The following LMAN2L variants were observed in gnomAD, a reference collection of about 807,000 sequenced individuals.
The protein encoded by LMAN2L is lectin, mannose binding 2 like.
LMAN2L carries 30 observed loss-of-function variants against 44.3 expected under a neutral mutation model. The observed-to-expected ratio is 0.68, with a 90% CI of 0.51 to 0.92. The LOEUF is 0.92. Ranked by LOEUF, LMAN2L falls within the 40% of genes least tolerant of loss-of-function variation. The pLI is 0.00. For missense variants in LMAN2L, 429 were observed against 446.1 expected (o/e 0.96, Z 0.35); for synonymous variants, 183 against 171.1 (o/e 1.07, Z -0.54).
At chr2:96,709,789 A>C (rs563736176) in intron 6 of LMAN2L, among the ~76,000 whole-genome samples, 13 of 152,362 alleles carry the variant, frequency 8.5e-5, no homozygotes, top group African/African-American at 3.1e-4. Context: ...CAAAAGAAAG[A>C]AACAACTTGC....
At chr2:96,729,230 C>A (rs2078341164) in intron 4 of LMAN2L, among the ~76,000 whole-genome samples, 1 of 151,572 alleles carries the variant, frequency 6.6e-6, no homozygotes, top group South Asian at 2.1e-4. Context: ...TGTCTCTATT[C>A]TCAAGAAAGA....
chr2:96,721,327 T>C (rs2078149870), intron 4 of LMAN2L, among the ~76,000 whole-genome samples: 1 of 55,508 alleles, frequency 1.8e-5, no homozygotes, highest in South Asian at 3.7e-4. Context: ...TCTTTCAGTC[T>C]TTTTTTTTTT....
chr2:96,714,786 C>G (rs1249204307), intron 4 of LMAN2L, among the ~76,000 whole-genome samples: 1 of 152,194 alleles, frequency 6.6e-6, no homozygotes, highest in Non-Finnish European at 1.5e-5. Flanking sequence ...GGGTGCCTTA[C>G]TCTTCCCAAG....
intron 4 of LMAN2L, among the ~76,000 whole-genome samples, chr2:96,722,285 T>G: frequency 6.6e-6 from 1 of 152,038 alleles, no homozygotes; most frequent in East Asian, 1.9e-4. Context: ...TTTATTTCTA[T>G]TATTATCACG....
At chr2:96,712,976 G>C in intron 4 of LMAN2L, 5 of 731,074 alleles carry the variant, frequency 6.8e-6, no homozygotes, top group South Asian at 6.8e-5. Context: ...TGGTTAACAT[G>C]CAAGATGGAG....
At chr2:96,717,185 C>T (rs1179421744) in intron 4 of LMAN2L, among the ~76,000 whole-genome samples, 1 of 151,896 alleles carries the variant, frequency 6.6e-6, no homozygotes, top group Non-Finnish European at 1.5e-5. Context: ...AAAAGACACA[C>T]AAGCACAAAC....
chr2:96,727,587 T>C (rs1232449753), intron 4 of LMAN2L, among the ~76,000 whole-genome samples: 1 of 152,242 alleles, frequency 6.6e-6, no homozygotes, highest in Admixed American at 6.5e-5. Context: ...TCTTCTCAGA[T>C]GCATTACTGG....
chr2:96,738,251 A>T (rs1426683605), intron 1 of LMAN2L, among the ~76,000 whole-genome samples, 184 bp from the exon 2 acceptor site: 1 of 152,216 alleles, frequency 6.6e-6, no homozygotes, highest in African/African-American at 2.4e-5. Context: ...TTATCAGGTA[A>T]GGACCCCAAA....
chr2:96,711,827 C>A (rs372724499), intron 5 of LMAN2L, 37 bp downstream of exon 5: 202 of 1,613,118 alleles, frequency 1.3e-4, no homozygotes, highest in Non-Finnish European at 1.6e-4. Flanking sequence ...AGCGACACAG[C>A]CCACACCACC....
At chr2:96,739,284 G>A (rs2078584260) in intron 1 of LMAN2L, among the ~76,000 whole-genome samples, 2 of 152,166 alleles carry the variant, frequency 1.3e-5, no homozygotes, top group Admixed American at 1.3e-4. Context: ...ACTTGTGTTA[G>A]TTAAGCCATC....
intron 4 of LMAN2L, among the ~76,000 whole-genome samples, chr2:96,728,671 C>T (rs1335954836): frequency 1.3e-5 from 2 of 151,834 alleles, no homozygotes; most frequent in African/African-American, 2.4e-5. Context: ...AGTGAAACGC[C>T]GCCTCTACTA....
At chr2:96,732,383 C>T (rs1444421254) in intron 4 of LMAN2L, among the ~76,000 whole-genome samples, 6 of 151,578 alleles carry the variant, frequency 4.0e-5, no homozygotes, top group Admixed American at 2.6e-4. Context: ...TGGTGACTCA[C>T]GCCTGTAATC....
chr2:96,725,755 C>G (rs2078258067), intron 4 of LMAN2L, among the ~76,000 whole-genome samples: 1 of 151,760 alleles, frequency 6.6e-6, no homozygotes, highest in South Asian at 2.1e-4. Flanking sequence ...AAATTTACTT[C>G]TAAGTATTTT....
At chr2:96,733,423 A>G in intron 4 of LMAN2L, 96 bp downstream of exon 4, 1 of 873,064 alleles carries the variant, frequency 1.1e-6, no homozygotes, top group Non-Finnish European at 1.8e-6. Flanking sequence ...AGAACCCCTC[A>G]CTTTCTATCT....
chr2:96,738,130 C>A (rs2078555484), intron 1 of LMAN2L, 63 bp from the exon 2 acceptor site: 2 of 1,095,824 alleles, frequency 1.8e-6, no homozygotes, highest in South Asian at 2.6e-5. Context: ...AAGCAGCCAC[C>A]ACAGAGCCTC....
chr2:96,724,041 G>A (rs541926508), intron 4 of LMAN2L, among the ~76,000 whole-genome samples: 16 of 151,972 alleles, frequency 1.1e-4, no homozygotes, highest in African/African-American at 3.9e-4. Flanking sequence ...AGAGCTTGCA[G>A]TGAGCCGAGA....
At chr2:96,725,636 G>A (rs1399733939) in intron 4 of LMAN2L, among the ~76,000 whole-genome samples, 7 of 150,638 alleles carry the variant, frequency 4.6e-5, no homozygotes, top group Admixed American at 1.3e-4. Context: ...TAGTAGAGAC[G>A]GGGTTTTACC....
chr2:96,721,326 C>CTTTT (rs56023035), intron 4 of LMAN2L, among the ~76,000 whole-genome samples: 78 of 84,568 alleles, frequency 9.2e-4, no homozygotes, highest in East Asian at 1.7e-3. Flanking sequence ...TTCTTTCAGT[C>CTTTT]TTTTTTTTTT....
intron 6 of LMAN2L, 122 bp from the exon 7 acceptor site, chr2:96,707,955 T>C (rs766644375): frequency 4.2e-5 from 39 of 935,238 alleles, no homozygotes; most frequent in Non-Finnish European, 5.8e-5. Flanking sequence ...GAAAAAATAA[T>C]TGAAACCTCT....
Sources: allele counts gnomAD v4.1 joint callset (sites outside exome capture counted in the v4.1 genomes callset), GRCh38; gene constraint gnomAD v4.1.1; transcripts MANE v1.5; gene names NCBI Gene and HGNC (gene_info 2026-07-23, HGNC 2026-07-21).